PRR5L: variants seen among roughly 807,000 people sequenced by gnomAD.
PRR5L encodes the protein proline rich 5 like.
In PRR5L, 21 loss-of-function variants were observed where a neutral mutation model predicts 36.4. The observed-to-expected ratio is 0.58, with a 90% CI of 0.41 to 0.83. The LOEUF is 0.83. Ranked by LOEUF, PRR5L falls within the 40% of genes least tolerant of loss-of-function variation. The pLI is 0.00. For synonymous variants in PRR5L, 188 were observed against 197.0 expected (o/e 0.95, Z 0.38); for missense variants, 381 against 473.3 (o/e 0.80, Z 1.81).
At chr11:36,414,452 C>A (rs2133575617) in intron 3 of PRR5L, among the ~76,000 whole-genome samples, 2 of 148,948 alleles carry the variant, frequency 1.3e-5, no homozygotes, top group East Asian at 3.9e-4. Context: ...ATTTGCATTT[C>A]TCTGATGGCC....
intron 1 of PRR5L, among the ~76,000 whole-genome samples, chr11:36,363,891 A>G (rs778055475): frequency 5.9e-5 from 9 of 152,242 alleles, no homozygotes; most frequent in Admixed American, 2.0e-4. Flanking sequence ...TAAGTCATTC[A>G]AGCTCCATGG....
chr11:36,428,249 G>C (rs906935417), intron 4 of PRR5L, among the ~76,000 whole-genome samples: 80 of 152,276 alleles, frequency 5.3e-4, no homozygotes, highest in African/African-American at 1.9e-3. Flanking sequence ...GCAGGGCCAT[G>C]GGTGAGCTGG....
chr11:36,425,466 A>G (rs1437705106), intron 4 of PRR5L: 1 of 152,192 alleles, frequency 6.6e-6, no homozygotes, highest in East Asian at 1.9e-4. Flanking sequence ...GGGTTACTTT[A>G]TTTGTTGTTG....
intron 1 of PRR5L, among the ~76,000 whole-genome samples, chr11:36,389,336 G>C (rs1209068895): frequency 6.6e-6 from 1 of 152,162 alleles, no homozygotes; most frequent in Non-Finnish European, 1.5e-5. Context: ...AAGCCTAAGA[G>C]GGTTTTGTGA....
chr11:36,302,906 G>A (rs1437281819), intron 1 of PRR5L, among the ~76,000 whole-genome samples: 1 of 152,202 alleles, frequency 6.6e-6, no homozygotes, highest in Admixed American at 6.5e-5. Flanking sequence ...TCCTCACCAT[G>A]ACTTTATCAA....
chr11:36,307,793 T>A (rs1012810074), intron 1 of PRR5L, among the ~76,000 whole-genome samples: 1 of 152,208 alleles, frequency 6.6e-6, no homozygotes, highest in Non-Finnish European at 1.5e-5. Flanking sequence ...AAAAAGAACA[T>A]GTAATAATTG....
At chr11:36,359,519 A>C (rs1408550019) in intron 1 of PRR5L, among the ~76,000 whole-genome samples, 1 of 152,226 alleles carries the variant, frequency 6.6e-6, no homozygotes, top group Non-Finnish European at 1.5e-5. Context: ...AGGAAGACAC[A>C]AATGTTTGTG....
chr11:36,446,980 G>A (rs936264782), intron 7 of PRR5L, among the ~76,000 whole-genome samples: 4 of 152,140 alleles, frequency 2.6e-5, no homozygotes. Flanking sequence ...TCTCCCTGCA[G>A]GCTTATGTTC....
At chr11:36,346,562 C>G (rs575580022) in intron 1 of PRR5L, among the ~76,000 whole-genome samples, 2 of 151,344 alleles carry the variant, frequency 1.3e-5, no homozygotes, top group South Asian at 4.2e-4. Flanking sequence ...CAGCCTGGGC[C>G]ACAGAGTGAG....
At chr11:36,369,339 C>T (rs1018106587) in intron 1 of PRR5L, among the ~76,000 whole-genome samples, 6 of 152,220 alleles carry the variant, frequency 3.9e-5, no homozygotes, top group South Asian at 2.1e-4. Context: ...TTATATAGCA[C>T]GTGGGTTCCT....
chr11:36,325,284 C>T (rs1481179547), intron 1 of PRR5L, among the ~76,000 whole-genome samples: 1 of 152,222 alleles, frequency 6.6e-6, no homozygotes, highest in African/African-American at 2.4e-5. Context: ...CAGCAATGGG[C>T]GCCTCGCTGG....
intron 6 of PRR5L, among the ~76,000 whole-genome samples, chr11:36,444,067 C>T (rs1244779231): frequency 6.6e-6 from 1 of 152,090 alleles, no homozygotes; most frequent in Non-Finnish European, 1.5e-5. Flanking sequence ...ATAAAATATG[C>T]CCAACGTGGC....
At position 36,309,595 on chromosome 11, in the gene PRR5L, C is replaced by T. The variant is rs1355025614; in HGVS notation, c.-126+13157C>T. 0.012 allele frequency among the ~76,000 whole-genome samples: 3 copies of T among 242 alleles called. No individual in the cohort carries two copies. The East Asian group carries it at 0.21, about 17-fold the overall frequency. 0.2% of individuals were successfully genotyped at this position (242 alleles called of 152,430 possible). A position where few individuals can be genotyped will look rare whatever the true frequency, so the allele number is the denominator to read the frequency against. Reference sequence around the variant, plus strand: ...CAGTTTAAACATTCCTTATTTGGAACCAAGTCTTTTACTGTTGGTGGTAGT... The same window carrying T: ...CAGTTTAAACATTCCTTATTTGGAATCAAGTCTTTTACTGTTGGTGGTAGT... On this transcript the variant is annotated intron_variant, in intron 1 of 8. Coordinates refer to ENST00000530639, the MANE Select transcript of PRR5L (RefSeq NM_001160167.2).
chr11:36,420,231 C>G (rs750708599), intron 4 of PRR5L, among the ~76,000 whole-genome samples: 1 of 152,224 alleles, frequency 6.6e-6, no homozygotes, highest in Non-Finnish European at 1.5e-5. Context: ...TCAGTTTCCT[C>G]ATCTGCGAAA....
At chr11:36,441,417 C>A (rs558331158) in intron 6 of PRR5L, among the ~76,000 whole-genome samples, 320 of 152,328 alleles carry the variant, frequency 2.1e-3, no homozygotes, top group African/African-American at 7.0e-3. Flanking sequence ...CTTAAAGCTC[C>A]AAAATAGTCT....
chr11:36,371,797 G>A (rs1857199521), intron 1 of PRR5L, among the ~76,000 whole-genome samples: 1 of 152,136 alleles, frequency 6.6e-6, no homozygotes, highest in African/African-American at 2.4e-5. Flanking sequence ...GGTGGTTTAG[G>A]TCTGTAATCC....
At chr11:36,360,752 A>G (rs1418855452) in intron 1 of PRR5L, among the ~76,000 whole-genome samples, 1 of 152,198 alleles carries the variant, frequency 6.6e-6, no homozygotes, top group Non-Finnish European at 1.5e-5. Context: ...TGTTAGGTAT[A>G]TGTTATTACT....
intron 1 of PRR5L, among the ~76,000 whole-genome samples, chr11:36,399,135 C>G (rs1197752493): frequency 8.0e-6 from 1 of 124,490 alleles, no homozygotes; most frequent in Non-Finnish European, 1.8e-5. Flanking sequence ...GTAGATCTTT[C>G]CACGTTGCAG....
chr11:36,388,572 G>A (rs1857497529), intron 1 of PRR5L, among the ~76,000 whole-genome samples: 1 of 152,084 alleles, frequency 6.6e-6, no homozygotes, highest in Admixed American at 6.6e-5. Context: ...CCCTTCCAGA[G>A]ACATTTTACG....
Sources: allele counts gnomAD v4.1 joint callset (sites outside exome capture counted in the v4.1 genomes callset), GRCh38; gene constraint gnomAD v4.1.1; transcripts MANE v1.5; gene names NCBI Gene and HGNC (gene_info 2026-07-23, HGNC 2026-07-21).